The following LHFPL6 variants were observed in gnomAD, a reference collection of about 807,000 sequenced individuals.
LHFPL6 encodes the protein LHFPL tetraspan subfamily member 6 protein.
A neutral mutation model predicts 20.6 loss-of-function variants in LHFPL6; 9 were observed. That is an observed-to-expected ratio of 0.44 (90% CI 0.26 to 0.76). The LOEUF (loss-of-function observed/expected upper bound fraction) is 0.76. LHFPL6 is among the 30% of genes least tolerant of loss of function. The pLI, the probability that LHFPL6 is intolerant of heterozygous loss-of-function variation, is 0.20. For missense variants in LHFPL6, 218 were observed against 253.5 expected (o/e 0.86, Z 0.95); for synonymous variants, 105 against 98.7 (o/e 1.06, Z -0.38).
intron 2 of LHFPL6, among the ~76,000 whole-genome samples, chr13:39,465,827 G>T (rs1872790042): frequency 6.6e-6 from 1 of 152,090 alleles, no homozygotes; most frequent in Admixed American, 6.6e-5. Context: ...GCTGCATGGT[G>T]AGAGAGAGTT....
intron 2 of LHFPL6, among the ~76,000 whole-genome samples, chr13:39,488,354 T>C (rs569674713): frequency 1.3e-5 from 2 of 152,336 alleles, no homozygotes; most frequent in Non-Finnish European, 2.9e-5. Flanking sequence ...GTAAGAATTA[T>C]AAAAGTATCT....
chr13:39,418,845 C>A (rs1871412020), intron 2 of LHFPL6, among the ~76,000 whole-genome samples: 1 of 152,106 alleles, frequency 6.6e-6, no homozygotes, highest in South Asian at 2.1e-4. Flanking sequence ...AACAGCCTTG[C>A]CGACTTTACA....
At chr13:39,545,594 T>C (rs1460102712) in intron 2 of LHFPL6, among the ~76,000 whole-genome samples, 1 of 152,084 alleles carries the variant, frequency 6.6e-6, no homozygotes, top group Non-Finnish European at 1.5e-5. Flanking sequence ...GGGGATTGGT[T>C]ACAGGATCCT....
chr13:39,483,483 ATTT>A (rs34041103), intron 2 of LHFPL6, among the ~76,000 whole-genome samples: 2 of 137,860 alleles, frequency 1.5e-5, no homozygotes, highest in African/African-American at 2.7e-5. Context: ...CCTCATTACA[ATTT>A]TTTTTTTTTT....
At chr13:39,557,567 G>A (rs1438872945) in intron 2 of LHFPL6, among the ~76,000 whole-genome samples, 2 of 152,256 alleles carry the variant, frequency 1.3e-5, no homozygotes, top group African/African-American at 4.8e-5. Flanking sequence ...ACCTGCAGTA[G>A]ATACGGTGGC....
intron 2 of LHFPL6, among the ~76,000 whole-genome samples, chr13:39,589,776 C>T (rs964169798): frequency 9.2e-5 from 14 of 152,250 alleles, no homozygotes; most frequent in African/African-American, 2.6e-4. Context: ...AGCCAGCACA[C>T]GATCGTCTGT....
chr13:39,388,508 G>C (rs372770112), intron 2 of LHFPL6, among the ~76,000 whole-genome samples: 1 of 152,156 alleles, frequency 6.6e-6, no homozygotes, highest in African/African-American at 2.4e-5. Flanking sequence ...CTGATTGAAA[G>C]CAACACCTTT....
chr13:39,496,731 A>G (rs1245389024), intron 2 of LHFPL6, among the ~76,000 whole-genome samples: 2 of 152,200 alleles, frequency 1.3e-5, no homozygotes, highest in African/African-American at 4.8e-5. Flanking sequence ...TTATTAGTGA[A>G]AAGGCTAATT....
chr13:39,449,802 A>G, intron 2 of LHFPL6, among the ~76,000 whole-genome samples: 1 of 150,940 alleles, frequency 6.6e-6, no homozygotes, highest in African/African-American at 2.4e-5. Context: ...TCCAAGGTCA[A>G]TGGTTAAGAG....
chr13:39,385,804 T>C (rs1046259475), intron 2 of LHFPL6, among the ~76,000 whole-genome samples: 1 of 152,158 alleles, frequency 6.6e-6, no homozygotes, highest in Non-Finnish European at 1.5e-5. Context: ...CCAATGCCAA[T>C]TACTCTCCAC....
chr13:39,462,773 C>T (rs926070176), intron 2 of LHFPL6, among the ~76,000 whole-genome samples: 6 of 152,162 alleles, frequency 3.9e-5, no homozygotes, highest in African/African-American at 1.4e-4. Flanking sequence ...CAGTGATGTG[C>T]TTTCCTATGT....
intron 2 of LHFPL6, among the ~76,000 whole-genome samples, chr13:39,555,377 C>T (rs1871275783): frequency 6.7e-6 from 1 of 149,042 alleles, no homozygotes; most frequent in Admixed American, 6.7e-5. Context: ...AAATAAGGTG[C>T]TACCAGAACT....
intron 2 of LHFPL6, among the ~76,000 whole-genome samples, chr13:39,429,033 T>C (rs932731877): frequency 3.3e-5 from 5 of 152,172 alleles, no homozygotes; most frequent in Non-Finnish European, 5.9e-5. Context: ...ACAACATGAC[T>C]TGAATCTTCT....
intron 2 of LHFPL6, among the ~76,000 whole-genome samples, chr13:39,437,961 A>C (rs531659115): frequency 6.6e-6 from 1 of 152,166 alleles, no homozygotes; most frequent in Non-Finnish European, 1.5e-5. Flanking sequence ...GGACACTGCT[A>C]TAAAGATACC....
In LHFPL6 at chr13:39,345,205, T is replaced by A. The variant is rs533876447; in HGVS notation, c.485-1151A>T. 2.0e-5 allele frequency among the ~76,000 whole-genome samples: 3 copies of A among 152,140 alleles called. No homozygotes were observed. The East Asian group carries it at 5.8e-4, about 29-fold the overall frequency. ...ATTTGGATTTCACAGTCACTGAACA[T>A]AAAGGCCATAGATTGAAAATCACGG... On this transcript the variant is annotated intron_variant, in intron 3 of 3. Coordinates refer to ENST00000379589, the MANE Select transcript of LHFPL6 (RefSeq NM_005780.3).
At chr13:39,394,784 G>A (rs1870802168) in intron 2 of LHFPL6, among the ~76,000 whole-genome samples, 1 of 152,204 alleles carries the variant, frequency 6.6e-6, no homozygotes. Context: ...AATCTAGGCT[G>A]CAGCTCAAAG....
intron 2 of LHFPL6, among the ~76,000 whole-genome samples, chr13:39,441,499 G>GAA (rs11394386): frequency 2.4e-4 from 36 of 151,096 alleles, no homozygotes; most frequent in Non-Finnish European, 4.1e-4. Flanking sequence ...CAGAATTTCT[G>GAA]AAAAAAAATA....
At chr13:39,557,660 T>C (rs1871347163) in intron 2 of LHFPL6, among the ~76,000 whole-genome samples, 1 of 152,192 alleles carries the variant, frequency 6.6e-6, no homozygotes, top group Non-Finnish European at 1.5e-5. Context: ...CAGAAAGATA[T>C]TGTTTGGATA....
At chr13:39,381,317 A>G (rs6563701) in intron 2 of LHFPL6, among the ~76,000 whole-genome samples, 21,820 of 152,200 alleles carry the variant, frequency 0.14, 1,685 homozygotes, top group East Asian at 0.26. Context: ...AGGAGCTTAC[A>G]TATGGAACAC....
Sources: gnomAD v4.1 joint callset for allele counts (sites outside exome capture counted in the v4.1 genomes callset) on GRCh38, gnomAD v4.1.1 for gene constraint, MANE v1.5 for transcripts, NCBI Gene and HGNC (gene_info 2026-07-23, HGNC 2026-07-21) for gene names.